ATP8A1: variants seen among roughly 807,000 people sequenced by gnomAD.
The protein encoded by ATP8A1 is ATPase phospholipid transporting 8A1.
A neutral mutation model predicts 177.7 loss-of-function variants in ATP8A1; 90 were observed. That is an observed-to-expected ratio of 0.51 (90% CI 0.43 to 0.60). ATP8A1 has a LOEUF of 0.60. Among genes scored for constraint, ATP8A1 ranks in the 20% least tolerant of loss-of-function variants. The pLI, the probability that ATP8A1 is intolerant of heterozygous loss-of-function variation, is 0.00. For missense variants in ATP8A1, 1,072 were observed against 1,392.8 expected (o/e 0.77, Z 3.67); for synonymous variants, 493 against 485.9 (o/e 1.01, Z -0.19).
chr4:42,436,978 C>A (rs1014029779), intron 33 of ATP8A1, among the ~76,000 whole-genome samples: 2 of 152,178 alleles, frequency 1.3e-5, no homozygotes, highest in Non-Finnish European at 2.9e-5. Flanking sequence ...AAGGGTTCAA[C>A]AAAGATTTTT....
chr4:42,615,038 T>C (rs1356911340), intron 5 of ATP8A1, among the ~76,000 whole-genome samples: 1 of 152,214 alleles, frequency 6.6e-6, no homozygotes, highest in African/African-American at 2.4e-5. Flanking sequence ...ACACAGATCA[T>C]CTCTTTGTAC....
At chr4:42,415,390 A>T (rs1713119254) in intron 35 of ATP8A1, among the ~76,000 whole-genome samples, 1 of 152,222 alleles carries the variant, frequency 6.6e-6, no homozygotes, top group South Asian at 2.1e-4. Context: ...GTCTCCTCAG[A>T]TACAAATCCA....
Position 42,560,058 on chromosome 4 carries a change from T to C in ATP8A1, c.1341-4018A>G, listed in dbSNP as rs368711771. Among the ~76,000 whole-genome samples the C allele has an allele frequency of 1.4e-3, 213 of 152,256 alleles. 1 individual carries two copies. Among genetic ancestry groups the C allele is most frequent in the Non-Finnish European group, 2.9e-4 (20 of 68,012 alleles). ...GTTAGGAAACACAAAGGCCCATCAG[T>C]AGTGCTGCTTAAAAATACTGTGGTG... On this transcript the variant is annotated intron_variant, in intron 15 of 36. Coordinates refer to ENST00000381668, the MANE Select transcript of ATP8A1 (RefSeq NM_006095.2).
chr4:42,632,575 T>G (rs1035680055), intron 1 of ATP8A1, among the ~76,000 whole-genome samples: 7 of 152,196 alleles, frequency 4.6e-5, no homozygotes, highest in African/African-American at 1.7e-4. Flanking sequence ...TTTTAACTAC[T>G]GAATATGTTA....
chr4:42,420,406 A>G (rs1713765097), intron 35 of ATP8A1, among the ~76,000 whole-genome samples: 1 of 152,250 alleles, frequency 6.6e-6, no homozygotes, highest in Non-Finnish European at 1.5e-5. Flanking sequence ...TGAGCGAGGC[A>G]GCAGCAGGGA....
At chr4:42,586,508 T>C (rs776501294) in intron 8 of ATP8A1, 32 bp from the exon 9 acceptor site, 1 of 1,605,086 alleles carries the variant, frequency 6.2e-7, no homozygotes, top group Non-Finnish European at 8.5e-7. Flanking sequence ...GCAAAAAGTA[T>C]ATTAAATAAG....
At chr4:42,426,157 A>G (rs1234153089) in intron 33 of ATP8A1, among the ~76,000 whole-genome samples, 1 of 152,228 alleles carries the variant, frequency 6.6e-6, no homozygotes, top group Non-Finnish European at 1.5e-5. Flanking sequence ...GTCAGGGGGC[A>G]TGACCGATAA....
intron 16 of ATP8A1, among the ~76,000 whole-genome samples, chr4:42,555,135 ATCTAATCTATCTATCTATCT>A (rs1330823480): frequency 5.6e-4 from 34 of 60,756 alleles, no homozygotes; most frequent in South Asian, 1.1e-3. Flanking sequence ...CTATCTATCT[ATCTAATCTATCTATCTATCT>A]ATCTATCTAT....
At chr4:42,513,875 T>C (rs1272452326) in intron 22 of ATP8A1, among the ~76,000 whole-genome samples, 7 of 152,138 alleles carry the variant, frequency 4.6e-5, no homozygotes, top group Non-Finnish European at 8.8e-5. Context: ...GCAGTCACCA[T>C]TCTCTTGAGG....
chr4:42,470,048 C>T (rs551446708), intron 25 of ATP8A1, among the ~76,000 whole-genome samples: 1 of 152,312 alleles, frequency 6.6e-6, no homozygotes, highest in African/African-American at 2.4e-5. Flanking sequence ...GGTCTGCATC[C>T]AGGATTTAAA....
intron 33 of ATP8A1, among the ~76,000 whole-genome samples, chr4:42,434,809 G>A (rs1268641719): frequency 6.6e-6 from 1 of 152,190 alleles, no homozygotes; most frequent in African/African-American, 2.4e-5. Flanking sequence ...AAAATGGCTA[G>A]AGCTCAGACA....
intron 20 of ATP8A1, among the ~76,000 whole-genome samples, chr4:42,533,816 TGA>T (rs1270113643): frequency 6.6e-6 from 1 of 152,154 alleles, no homozygotes; most frequent in Admixed American, 6.5e-5. Context: ...TATCCACAGC[TGA>T]GAGACCTGAA....
chr4:42,534,751 C>T (rs1490653145), intron 20 of ATP8A1, among the ~76,000 whole-genome samples: 1 of 152,084 alleles, frequency 6.6e-6, no homozygotes, highest in Non-Finnish European at 1.5e-5. Flanking sequence ...ATCTTAAGAG[C>T]TATGAGGCAA....
At chr4:42,497,496 T>A (rs1723404074) in intron 24 of ATP8A1, among the ~76,000 whole-genome samples, 1 of 152,118 alleles carries the variant, frequency 6.6e-6, no homozygotes, top group Non-Finnish European at 1.5e-5. Context: ...CTCAGGGAGC[T>A]CTTGGAAGAG....
chr4:42,620,709 C>G (rs1737385197), intron 4 of ATP8A1, among the ~76,000 whole-genome samples: 1 of 152,108 alleles, frequency 6.6e-6, no homozygotes. Flanking sequence ...GGGATAAGAT[C>G]AATAACATCT....
chr4:42,577,758 A>G (rs184675005), intron 12 of ATP8A1, among the ~76,000 whole-genome samples: 6 of 152,304 alleles, frequency 3.9e-5, no homozygotes, highest in Admixed American at 3.3e-4. Context: ...AGAAAATAAC[A>G]TGATATAACA....
intron 20 of ATP8A1, among the ~76,000 whole-genome samples, chr4:42,525,558 C>T (rs931258499): frequency 2.2e-4 from 34 of 152,106 alleles, no homozygotes; most frequent in Non-Finnish European, 4.1e-4. Context: ...ATTTTGTTAC[C>T]AGATTATGTT....
intron 24 of ATP8A1, among the ~76,000 whole-genome samples, chr4:42,490,258 C>T (rs779770399): frequency 6.6e-6 from 1 of 152,170 alleles, no homozygotes; most frequent in Non-Finnish European, 1.5e-5. Context: ...GCTTTCTTGC[C>T]TTGCAAATTC....
At chr4:42,612,890 T>C (rs747162412) in intron 5 of ATP8A1, among the ~76,000 whole-genome samples, 6 of 152,204 alleles carry the variant, frequency 3.9e-5, no homozygotes, top group Non-Finnish European at 5.9e-5. Flanking sequence ...AAAATATTCA[T>C]TCCTCTGTGA....
Sources: allele counts gnomAD v4.1 joint callset (sites outside exome capture counted in the v4.1 genomes callset), GRCh38; gene constraint gnomAD v4.1.1; transcripts MANE v1.5; gene names NCBI Gene and HGNC (gene_info 2026-07-23, HGNC 2026-07-21).